ABCD4: variants seen among roughly 807,000 people sequenced by gnomAD.
The protein encoded by ABCD4 is lysosomal cobalamin transporter ABCD4.
ABCD4 carries 53 observed loss-of-function variants against 86.3 expected under a neutral mutation model. The ratio of observed to expected loss-of-function variants is 0.61; its 90% CI spans 0.49 to 0.77. The LOEUF (loss-of-function observed/expected upper bound fraction) is 0.77, where lower values mean the gene tolerates loss of function less well. ABCD4 is among the 30% of genes least tolerant of loss of function. The pLI is 0.00. For missense variants in ABCD4, 757 were observed against 764.5 expected (o/e 0.99, Z 0.12); for synonymous variants, 328 against 313.6 (o/e 1.05, Z -0.49).
intron 8 of ABCD4, 130 bp from the exon 9 acceptor site, chr14:74,292,999 T>C: frequency 6.7e-7 from 1 of 1,503,728 alleles, no homozygotes; most frequent in Non-Finnish European, 9.1e-7. Flanking sequence ...CTCCTGAGGA[T>C]ACTCACAGAA....
At chr14:74,297,876 G>C in intron 4 of ABCD4, 54 bp downstream of exon 4, 1 of 1,557,270 alleles carries the variant, frequency 6.4e-7, no homozygotes, top group Non-Finnish European at 8.7e-7. Flanking sequence ...CCAGGGCTAG[G>C]CCAGAAGGAA....
intron 14 of ABCD4, 68 bp downstream of exon 14, chr14:74,289,415 C>T: frequency 6.4e-7 from 1 of 1,567,430 alleles, no homozygotes. Flanking sequence ...CAGATGAGGC[C>T]ACAGTCAGGT....
Position 74,300,177 on chromosome 14 carries a change from G to T in ABCD4, c.130C>A (p.Leu44Met). 1 of 1,613,414 alleles carries T rather than the reference G, an allele frequency of 6.2e-7. No homozygotes were observed. Among genetic ancestry groups the T allele is most frequent in the Non-Finnish European group, 8.5e-7 (1 of 1,179,742 alleles). Reference protein sequence around the residue: ...SWSSQNALMFLTLLCLTLLEQ... With the variant: ...SWSSQNALMFMTLLCLTLLEQ... ...AGTAGGGTCAGGCACAAAAGGGTCA[G>T]GAACATCAAGGCATTTTGTGATGAC... The change falls in exon 2 of 19, where the codon CTG (leucine) becomes ATG (methionine). Residue 44 changes from leucine (L) to methionine (M), a missense_variant. Transcript: ENST00000356924.
chr14:74,289,398 A>T, intron 14 of ABCD4, 85 bp downstream of exon 14: 1 of 1,574,962 alleles, frequency 6.3e-7, no homozygotes. Flanking sequence ...GCCTCTCCCC[A>T]AGGGCACAGA....
At chr14:74,296,262 G>A in intron 5 of ABCD4, 71 bp downstream of exon 5, 2 of 1,468,016 alleles carry the variant, frequency 1.4e-6, no homozygotes, top group Non-Finnish European at 1.9e-6. Flanking sequence ...GCTTCTCTTG[G>A]ACCTTGACCT....
intron 11 of ABCD4, among the ~76,000 whole-genome samples, chr14:74,291,358 G>A (rs2081444828): frequency 6.6e-6 from 1 of 152,212 alleles, no homozygotes; most frequent in East Asian, 1.9e-4. Flanking sequence ...ATGCCCATGA[G>A]TCTCAAATAT....
rs765378243 is a variant in ABCD4, at chr14:74,296,453, G to C, written c.426-4C>G. 6 of 1,613,770 alleles carry C rather than the reference G, an allele frequency of 3.7e-6. No individual in the cohort carries two copies. The African/African-American group carries it at 4.0e-5, about 11-fold the overall frequency. ...GTCCTGGCTGATGCGCTGGTCCCTGGAGCCAATGACACAGAGTAGCTGGAC... is the reference window on the plus strand; with the variant it reads ...GTCCTGGCTGATGCGCTGGTCCCTGCAGCCAATGACACAGAGTAGCTGGAC... On this transcript the variant is annotated splice_polypyrimidine_tract_variant and splice_region_variant and intron_variant, in intron 4 of 18. Coordinates refer to ENST00000356924, the MANE Select transcript of ABCD4 (RefSeq NM_005050.4).
At chr14:74,289,423 G>C (rs1429709974) in intron 14 of ABCD4, 60 bp downstream of exon 14, 7 of 1,607,894 alleles carry the variant, frequency 4.4e-6, no homozygotes, top group Non-Finnish European at 5.1e-6. Flanking sequence ...GCCACAGTCA[G>C]GTAGAGCAGG....
At chr14:74,292,716 C>A (rs1594919484) in intron 9 of ABCD4, 32 bp downstream of exon 9, 1 of 1,613,920 alleles carries the variant, frequency 6.2e-7, no homozygotes, top group Non-Finnish European at 8.5e-7. Context: ...CAGAGAGGGA[C>A]AGCATGTGGG....
At chr14:74,299,778 G>C in intron 2 of ABCD4, 103 bp from the exon 3 acceptor site, 2 of 1,244,244 alleles carry the variant, frequency 1.6e-6, no homozygotes, top group Non-Finnish European at 1.1e-6. Context: ...GAGATGAAAA[G>C]GGGCCGGGCG....
chr14:74,288,114 G>C, intron 16 of ABCD4, 93 bp downstream of exon 16: 1 of 1,398,398 alleles, frequency 7.2e-7, no homozygotes, highest in Non-Finnish European at 9.9e-7. Flanking sequence ...CTGGACTTTG[G>C]GGTCAGGAGC....
rs370984701 is a variant in ABCD4, at chr14:74,288,746, C to G, written c.1476G>C (p.Arg492Ser). ...CTGCCAATTCCAAGAACCTCAAGAT[C>G]CTCTCATCATCGGCAGAACCTGCAC... Reference protein sequence around the residue: ...YPDSGSADDERILRFLELAGL... With the variant: ...YPDSGSADDESILRFLELAGL... The change falls in exon 15 of 19, where the codon AGG (arginine) becomes AGC (serine). Residue 492 changes from arginine to serine, a missense_variant. Coordinates refer to ENST00000356924, the MANE Select transcript of ABCD4 (RefSeq NM_005050.4). 1 of 1,613,824 alleles carries G rather than the reference C, an allele frequency of 6.2e-7. No homozygotes were observed. The highest frequency in any genetic ancestry group is 1.7e-5 in the Admixed American group (1 of 59,964).
At chr14:74,289,654 GGA>G (rs2080916140) in intron 13 of ABCD4, 135 bp from the exon 14 acceptor site, 1 of 1,479,682 alleles carries the variant, frequency 6.8e-7, no homozygotes, top group South Asian at 1.4e-5. Context: ...GGGTCAGATG[GGA>G]GAGGCTCTGG....
chr14:74,288,270 C>G lies in ABCD4; in HGVS notation c.1507-11G>C, dbSNP rs375805220. The G allele has an allele frequency of 3.7e-4, 595 of 1,604,004 alleles. 6 individuals are homozygous for G. In the South Asian group the frequency reaches 6.3e-3, roughly 17 times the overall value. The stretch of plus-strand genomic sequence containing the variant: ...TGCCACCAAGTTGGACTGTAACAGA[C>G]CCAGAGGGCAGGATGTCCATGAAAT... On this transcript the variant is annotated splice_polypyrimidine_tract_variant and intron_variant, in intron 15 of 18. Coordinates refer to ENST00000356924, the MANE Select transcript of ABCD4 (RefSeq NM_005050.4).
At position 74,302,901 on chromosome 14, in the gene ABCD4, C is replaced by T. The variant is rs754280972; in HGVS notation, c.12G>A (p.Ala4=). The part of the protein sequence containing the change: MAV[A]GPAPGAGARP... ...TGGCGCCAGCTCCGGGCGCGGGCCC[C>T]GCGACCGCCATGACCTGAGACCCGA... Residue 4 remains alanine, a synonymous_variant, in exon 1 of 19, where the codon GCG becomes GCA. Transcript: ENST00000356924. The T allele has an allele frequency of 1.4e-5, 23 of 1,607,280 alleles. No homozygotes were observed. Among genetic ancestry groups the T allele is most frequent in the Non-Finnish European group, 1.9e-5 (22 of 1,177,246 alleles).
chr14:74,287,921 G>A (rs1566919088), intron 16 of ABCD4, 35 bp from the exon 17 acceptor site: 2 of 1,572,396 alleles, frequency 1.3e-6, no homozygotes, highest in Admixed American at 3.4e-5. Context: ...TGCTAGAGGA[G>A]GAAGAATATA....
At chr14:74,302,045 G>T (rs1295266655) in intron 1 of ABCD4, among the ~76,000 whole-genome samples, 2 of 152,190 alleles carry the variant, frequency 1.3e-5, no homozygotes, top group African/African-American at 4.8e-5. Context: ...TGCCCGTCGG[G>T]AAGTATAAAC....
At chr14:74,302,692 G>A (rs556588329) in intron 1 of ABCD4, among the ~76,000 whole-genome samples, 183 bp downstream of exon 1, 4 of 152,368 alleles carry the variant, frequency 2.6e-5, no homozygotes, top group Non-Finnish European at 4.4e-5. Context: ...GCCGCGGCCG[G>A]TGCGGAGCGG....
Position 74,285,689 on chromosome 14 carries a change from G to C in ABCD4, c.*772C>G, listed in dbSNP as rs184169668. 1 of 152,264 alleles carries C rather than the reference G, an allele frequency of 6.6e-6. No homozygotes were observed. The highest frequency in any genetic ancestry group is 6.5e-5 in the Admixed American group (1 of 15,274). The allele number at this position is 152,264 out of a possible 1,614,324, so 9.4% of individuals were successfully genotyped here. On this transcript the variant is annotated 3_prime_UTR_variant, in exon 19 of 19. Transcript: ENST00000356924. ...CTTTCTGGGTTTTGTCTAATTTGCT[G>C]TTGTTGTTCCCTAATATAGACTATT...
Sources: allele counts gnomAD v4.1 joint callset (sites outside exome capture counted in the v4.1 genomes callset), GRCh38; gene constraint gnomAD v4.1.1; transcripts MANE v1.5; gene names NCBI Gene and HGNC (gene_info 2026-07-23, HGNC 2026-07-21).